The following ZNF385D variants were observed in gnomAD, a reference collection of about 807,000 sequenced individuals.
ZNF385D encodes the protein zinc finger protein 385D.
Under a neutral mutation model 35.8 loss-of-function variants are expected in ZNF385D, and 15 were observed. The ratio of observed to expected loss-of-function variants is 0.42; its 90% CI spans 0.28 to 0.64. The LOEUF (loss-of-function observed/expected upper bound fraction) is 0.64, where lower values mean the gene tolerates loss of function less well. ZNF385D is among the 30% of genes least tolerant of loss of function. The pLI is 0.23. For missense variants in ZNF385D, 474 were observed against 494.6 expected (o/e 0.96, Z 0.39); for synonymous variants, 212 against 186.8 (o/e 1.13, Z -1.10).
rs539812222 is a variant in ZNF385D, at chr3:22,255,187, AAAAAG to A, written c.107-86157_107-86153del. Reference sequence around the variant, plus strand: ...ACCTTGAAAAATGCTCATAAGAAAAAAAAAGAAAAGAAAAGAAAAAAACTTTGTAA... The same window carrying A: ...ACCTTGAAAAATGCTCATAAGAAAAAAAAAGAAAAGAAAAAAACTTTGTAA... On this transcript the variant is annotated intron_variant, in intron 2 of 5. Transcript: ENST00000494108. 3.2e-3 allele frequency among the ~76,000 whole-genome samples: 484 copies of A among 151,866 alleles called. 6 individuals carry two copies. Among genetic ancestry groups the A allele is most frequent in the African/African-American group, 0.01 (415 of 41,474 alleles).
intron 3 of ZNF385D, among the ~76,000 whole-genome samples, chr3:21,993,823 G>A (rs1376489281): frequency 1.3e-5 from 2 of 152,094 alleles, no homozygotes; most frequent in Non-Finnish European, 2.9e-5. Context: ...CATACATAAT[G>A]TTTCAGTGTT....
chr3:22,064,437 T>C (rs991209348), intron 3 of ZNF385D, among the ~76,000 whole-genome samples: 4 of 151,500 alleles, frequency 2.6e-5, no homozygotes, highest in African/African-American at 7.4e-5. Context: ...CACTTCTGGA[T>C]ATATACCCCA....
chr3:21,490,410 A>G (rs1475785491), intron 4 of ZNF385D, among the ~76,000 whole-genome samples: 1 of 152,076 alleles, frequency 6.6e-6, no homozygotes, highest in Non-Finnish European at 1.5e-5. Flanking sequence ...TTTAATTCCC[A>G]CCTCACGTGC....
chr3:22,190,826 T>G (rs1270291919), intron 2 of ZNF385D, among the ~76,000 whole-genome samples: 1 of 152,114 alleles, frequency 6.6e-6, no homozygotes, highest in Non-Finnish European at 1.5e-5. Flanking sequence ...ATTCTTATAA[T>G]TTGGGGTGTA....
chr3:21,941,697 C>T (rs1346249418), intron 3 of ZNF385D, among the ~76,000 whole-genome samples: 1 of 151,792 alleles, frequency 6.6e-6, no homozygotes, highest in Non-Finnish European at 1.5e-5. Context: ...CGGGGTTTCA[C>T]CGTATTAGCT....
At chr3:21,922,278 A>AG (rs200037890) in intron 3 of ZNF385D, among the ~76,000 whole-genome samples, 2,582 of 106,710 alleles carry the variant, frequency 0.024, 34 homozygotes, top group Non-Finnish European at 0.046. Context: ...CAGAATTAGA[A>AG]AAAAAATTTT....
rs1168532604 is a variant in ZNF385D, at chr3:21,865,990, AG to A, written c.326-200963del. Among the ~76,000 whole-genome samples the A allele has an allele frequency of 5.9e-5, 9 of 152,090 alleles. 1 individual carries two copies. The East Asian group carries it at 1.7e-3, about 29-fold the overall frequency. On this transcript the variant is annotated intron_variant, in intron 3 of 5. Transcript: ENST00000494108. ...ACTGAACATTATCTTAGGAAATACT[AG>A]ATTATATTATCATTTAATATTATGA... is the stretch of plus-strand genomic sequence containing the variant.
chr3:22,156,093 G>C (rs1416395740), intron 3 of ZNF385D, among the ~76,000 whole-genome samples: 1 of 151,918 alleles, frequency 6.6e-6, no homozygotes, highest in Non-Finnish European at 1.5e-5. Flanking sequence ...GAATAAAGGA[G>C]ACATAATAGA....
At chr3:21,437,712 A>AAAAAAAAAAAG (rs1701639682) in intron 4 of ZNF385D, among the ~76,000 whole-genome samples, 1 of 148,974 alleles carries the variant, frequency 6.7e-6, no homozygotes, top group Non-Finnish European at 1.5e-5. Context: ...AAAAAAAAAA[A>AAAAAAAAAAAG]AAAAAAACCG....
intron 2 of ZNF385D, among the ~76,000 whole-genome samples, chr3:21,622,550 A>G (rs968259371): frequency 2.0e-5 from 3 of 152,170 alleles, no homozygotes; most frequent in African/African-American, 4.8e-5. Context: ...CAAGATAATC[A>G]TACATGACCT....
chr3:22,298,950 A>G (rs972574726), intron 2 of ZNF385D, among the ~76,000 whole-genome samples: 5 of 151,968 alleles, frequency 3.3e-5, no homozygotes, highest in Admixed American at 6.6e-5. Flanking sequence ...TTTGATTCCA[A>G]TTAATTCTAA....
At chr3:22,124,784 GTTGT>G (rs1553612649) in intron 3 of ZNF385D, among the ~76,000 whole-genome samples, 2 of 152,092 alleles carry the variant, frequency 1.3e-5, no homozygotes, top group Non-Finnish European at 1.5e-5. Context: ...ATCCTATAGA[GTTGT>G]TTGAGCTCCT....
At chr3:21,481,446 A>T (rs921763797) in intron 4 of ZNF385D, among the ~76,000 whole-genome samples, 7 of 152,184 alleles carry the variant, frequency 4.6e-5, no homozygotes, top group Admixed American at 2.6e-4. Flanking sequence ...AGGCCAGTTT[A>T]TTCTATGTGC....
At chr3:22,018,594 T>C (rs1015844007) in intron 3 of ZNF385D, among the ~76,000 whole-genome samples, 6 of 152,080 alleles carry the variant, frequency 3.9e-5, no homozygotes, top group Non-Finnish European at 5.9e-5. Context: ...CTCTATGACT[T>C]TAATTAATTT....
intron 2 of ZNF385D, among the ~76,000 whole-genome samples, chr3:21,639,695 G>A (rs1451592195): frequency 6.6e-6 from 1 of 151,904 alleles, no homozygotes; most frequent in Non-Finnish European, 1.5e-5. Flanking sequence ...CACTGCCTAT[G>A]CATGATAGTC....
At chr3:22,113,179 G>A (rs561599122) in intron 3 of ZNF385D, among the ~76,000 whole-genome samples, 56 of 152,068 alleles carry the variant, frequency 3.7e-4, no homozygotes, top group African/African-American at 1.3e-3. Flanking sequence ...GAATGGGGGT[G>A]GGCTATGGGC....
At chr3:21,730,227 G>C (rs1297966354) in intron 1 of ZNF385D, among the ~76,000 whole-genome samples, 2 of 152,096 alleles carry the variant, frequency 1.3e-5, no homozygotes. Flanking sequence ...CACTATACCA[G>C]CGATGACTCT....
chr3:21,584,877 G>A lies in ZNF385D; in HGVS notation c.166-20193C>T, dbSNP rs555220134. Among the ~76,000 whole-genome samples the A allele has an allele frequency of 1.4e-3, 220 of 152,158 alleles. 1 individual carries two copies. Among genetic ancestry groups the A allele is most frequent in the African/African-American group, 5.2e-3 (216 of 41,520 alleles). ...TAGTTTTCTATTCCATGCACTTCAT[G>A]TACCCTATGGTTTCTAGAAATATTT... On this transcript the variant is annotated intron_variant, in intron 2 of 7. Transcript: ENST00000281523.
intron 3 of ZNF385D, among the ~76,000 whole-genome samples, chr3:21,873,663 C>T (rs1251501735): frequency 6.6e-6 from 1 of 152,108 alleles, no homozygotes. Context: ...GACCTGGAAA[C>T]TGCCATTTTA....
Sources: gnomAD v4.1 joint callset for allele counts (sites outside exome capture counted in the v4.1 genomes callset) on GRCh38, gnomAD v4.1.1 for gene constraint, MANE v1.5 for transcripts, NCBI Gene and HGNC (gene_info 2026-07-23, HGNC 2026-07-21) for gene names.